The following PNLIPRP3 variants were observed in gnomAD, a reference collection of about 807,000 sequenced individuals.
The protein encoded by PNLIPRP3 is pancreatic lipase related protein 3, also known as pancreatic lipase-related protein 3.
A neutral mutation model predicts 52.8 loss-of-function variants in PNLIPRP3; 58 were observed. The observed-to-expected ratio is 1.10, with a 90% CI of 0.89 to 1.37. The LOEUF (loss-of-function observed/expected upper bound fraction) is 1.37, where lower values mean the gene tolerates loss of function less well. PNLIPRP3 is among the 40% of genes most tolerant of loss of function. The pLI is 0.00. For synonymous variants in PNLIPRP3, 192 were observed against 185.0 expected, an observed-to-expected ratio of 1.04 and a Z score of -0.31; for missense variants, 593 against 561.6, an observed-to-expected ratio of 1.06 and a Z score of -0.57.
At chr10:116,460,861 A>G (rs751330866) in intron 5 of PNLIPRP3, 105 bp from the exon 6 acceptor site, 69 of 1,453,222 alleles carry the variant, frequency 4.7e-5, no homozygotes, top group Non-Finnish European at 5.7e-5. Context: ...TTCCTGAGTG[A>G]TCTTTGATTG....
intron 2 of PNLIPRP3, among the ~76,000 whole-genome samples, chr10:116,437,241 A>G (rs1400818693): frequency 6.6e-6 from 1 of 152,208 alleles, no homozygotes; most frequent in Non-Finnish European, 1.5e-5. Flanking sequence ...GACATGTACA[A>G]ACAAATACCT....
chr10:116,471,504 G>T (rs1182367369), intron 9 of PNLIPRP3, among the ~76,000 whole-genome samples: 2 of 152,092 alleles, frequency 1.3e-5, no homozygotes, highest in Non-Finnish European at 2.9e-5. Flanking sequence ...TCATAAAAAT[G>T]CCTGGAAAAA....
intron 9 of PNLIPRP3, among the ~76,000 whole-genome samples, chr10:116,470,343 A>G (rs1407697299): frequency 6.6e-6 from 1 of 152,016 alleles, no homozygotes; most frequent in Non-Finnish European, 1.5e-5. Flanking sequence ...CCCAAGAAGA[A>G]TGTGCCAGAT....
At chr10:116,431,408 C>A (rs901297582) in intron 1 of PNLIPRP3, among the ~76,000 whole-genome samples, 1 of 152,136 alleles carries the variant, frequency 6.6e-6, no homozygotes, top group Non-Finnish European at 1.5e-5. Flanking sequence ...CATCCACCTA[C>A]CCCTATTCAA....
rs1465828687 is a variant in PNLIPRP3, at chr10:116,444,379, C to T, written c.325-3C>T. On this transcript the variant is annotated splice_region_variant and splice_polypyrimidine_tract_variant and intron_variant, in intron 3 of 11. Transcript: ENST00000369230. ...TTAATATTTATATAAATCTTTGTGC[C>T]AGGTGTTGCTACAGCTGGAAGATAT... 6.2e-7 allele frequency: 1 copy of T among 1,601,270 alleles called. No homozygotes were observed. The highest frequency in any genetic ancestry group is 1.7e-5 in the Admixed American group (1 of 58,788).
intron 4 of PNLIPRP3, among the ~76,000 whole-genome samples, chr10:116,451,712 C>T (rs4751967): frequency 0.89 from 134,744 of 152,180 alleles, 60,650 homozygotes; most frequent in Non-Finnish European, 0.97. Context: ...TGTAAGCTTC[C>T]GGACATAAGC....
chr10:116,462,770 A>G (rs907963898), intron 7 of PNLIPRP3, among the ~76,000 whole-genome samples: 11 of 152,224 alleles, frequency 7.2e-5, no homozygotes, highest in African/African-American at 2.4e-4. Context: ...ACTTCATTAC[A>G]TAATTAATTG....
intron 8 of PNLIPRP3, 89 bp from the exon 9 acceptor site, chr10:116,469,096 T>C: frequency 8.0e-7 from 1 of 1,244,240 alleles, no homozygotes; most frequent in South Asian, 1.7e-5. Context: ...ATCCTGGAGA[T>C]TTATTATTAT....
chr10:116,439,898 T>A (rs1268523913), intron 2 of PNLIPRP3: 3 of 822,010 alleles, frequency 3.6e-6, no homozygotes, highest in African/African-American at 1.7e-5. Context: ...GACATTATCT[T>A]CCACCTCTCA....
intron 4 of PNLIPRP3, among the ~76,000 whole-genome samples, chr10:116,453,335 C>A (rs1353244153): frequency 6.6e-6 from 1 of 152,074 alleles, no homozygotes. Flanking sequence ...GTAAAAGGAA[C>A]TTGGCCTTGA....
chr10:116,453,082 G>C lies in PNLIPRP3; in HGVS notation c.457-2640G>C, dbSNP rs372638876. ...GGTTGCACCCAGAGAAGCCACAGGG[G>C]CAGGGCTGCCCAAGGCCTTGGGATC... is the stretch of plus-strand genomic sequence containing the variant. On this transcript the variant is annotated intron_variant, in intron 4 of 11. Transcript: ENST00000369230. Among the ~76,000 whole-genome samples the C allele has an allele frequency of 2.9e-3, 435 of 152,300 alleles. 1 individual carries two copies. Among genetic ancestry groups the C allele is most frequent in the Non-Finnish European group, 4.8e-3 (324 of 68,020 alleles).
intron 10 of PNLIPRP3, 37 bp downstream of exon 10, chr10:116,471,916 TG>T: frequency 1.5e-6 from 2 of 1,349,294 alleles, no homozygotes; most frequent in Non-Finnish European, 2.1e-6. Context: ...TGCACAGTGC[TG>T]GGGGCTCAGT....
intron 4 of PNLIPRP3, among the ~76,000 whole-genome samples, chr10:116,445,998 A>G (rs1845942614): frequency 6.6e-6 from 1 of 152,166 alleles, no homozygotes; most frequent in African/African-American, 2.4e-5. Context: ...GCTGAGAGTG[A>G]TCTCAAATAC....
intron 1 of PNLIPRP3, among the ~76,000 whole-genome samples, chr10:116,432,374 G>C (rs534775718): frequency 6.6e-6 from 1 of 152,234 alleles, no homozygotes; most frequent in South Asian, 2.1e-4. Context: ...GTAATGTGCT[G>C]TTTTTCAAAT....
intron 2 of PNLIPRP3, among the ~76,000 whole-genome samples, chr10:116,442,810 G>A (rs142530310): frequency 1.0e-3 from 159 of 152,252 alleles, no homozygotes; most frequent in African/African-American, 2.6e-3. Context: ...ACTGCAGTGC[G>A]TTATGATGGA....
chr10:116,457,705 G>T (rs1407803486), intron 5 of PNLIPRP3, among the ~76,000 whole-genome samples: 1 of 152,142 alleles, frequency 6.6e-6, no homozygotes, highest in Admixed American at 6.5e-5. Context: ...ACCTCATGGG[G>T]CCTCACAGCC....
chr10:116,440,359 T>C (rs1263058230), intron 2 of PNLIPRP3, among the ~76,000 whole-genome samples: 1 of 152,176 alleles, frequency 6.6e-6, no homozygotes, highest in African/African-American at 2.4e-5. Context: ...AACTAAGTAC[T>C]TCCCTAAATA....
In PNLIPRP3 at chr10:116,476,809, T is replaced by C. The variant is rs1325727206; in HGVS notation, c.1330T>C (p.Tyr444His). 1 of 1,596,936 alleles carries C rather than the reference T, an allele frequency of 6.3e-7. No individual in the cohort carries two copies. The highest frequency in any genetic ancestry group is 1.3e-5 in the African/African-American group (1 of 74,150). The change falls in exon 11 of 12, where the codon TAT (tyrosine) becomes CAT (histidine). Residue 444 changes from tyrosine to histidine, a missense_variant. Tyr to His is a moderately conservative substitution (Grantham distance 83). Coordinates refer to ENST00000369230, the MANE Select transcript of PNLIPRP3 (RefSeq NM_001011709.3). ...AATGGTGATAAATACATCTGGGAAA[T>C]ATGGATATAAGTAAGTATTGCTTTT... ...AEMVINTSGKYGYKSTFCSQD... is the reference protein window; with the variant it reads ...AEMVINTSGKHGYKSTFCSQD...
At chr10:116,476,858 A>G (rs368442911) in intron 11 of PNLIPRP3, 39 bp downstream of exon 11, 203 of 1,508,700 alleles carry the variant, frequency 1.3e-4, no homozygotes, top group Non-Finnish European at 3.7e-5. Flanking sequence ...CGTAGTTTAC[A>G]TTTTATAAAT....
Sources: gnomAD v4.1 joint callset for allele counts (sites outside exome capture counted in the v4.1 genomes callset) on GRCh38, gnomAD v4.1.1 for gene constraint, MANE v1.5 for transcripts, NCBI Gene and HGNC (gene_info 2026-07-23, HGNC 2026-07-21) for gene names.